The following RBFOX2 variants were observed in gnomAD, a reference collection of about 807,000 sequenced individuals.
RBFOX2 encodes the protein RNA binding protein fox-1 homolog 2.
RBFOX2 carries 10 observed loss-of-function variants against 49.1 expected under a neutral mutation model. The observed-to-expected ratio is 0.20, with a 90% CI of 0.13 to 0.35. RBFOX2 has a LOEUF of 0.35. Ranked by LOEUF, RBFOX2 falls within the 10% of genes least tolerant of loss-of-function variation. The probability of loss-of-function intolerance (pLI) is 1.00; values close to 1 mark genes in which losing one functional copy is unlikely to be tolerated. For missense variants in RBFOX2, 323 were observed against 486.9 expected (o/e 0.66, Z 3.17); for synonymous variants, 183 against 187.4 (o/e 0.98, Z 0.19).
At chr22:35,805,267 G>A (rs1471815346) in intron 2 of RBFOX2, among the ~76,000 whole-genome samples, 2 of 143,640 alleles carry the variant, frequency 1.4e-5, no homozygotes, top group Middle Eastern at 3.5e-3. Flanking sequence ...TCCAGCCTGG[G>A]CGACAGAGCG....
intron 9 of RBFOX2, among the ~76,000 whole-genome samples, chr22:35,750,740 C>T (rs1265330048): frequency 6.6e-6 from 1 of 152,258 alleles, no homozygotes; most frequent in Non-Finnish European, 1.5e-5. Context: ...TCAGTCCTGA[C>T]CCACAGCACT....
At chr22:35,975,372 A>G (rs953341289) in intron 1 of RBFOX2, among the ~76,000 whole-genome samples, 1 of 152,248 alleles carries the variant, frequency 6.6e-6, no homozygotes, top group Non-Finnish European at 1.5e-5. Context: ...GACCTTAAGC[A>G]TATCATTTAA....
At chr22:35,758,139 G>C in intron 9 of RBFOX2, among the ~76,000 whole-genome samples, 1 of 152,106 alleles carries the variant, frequency 6.6e-6, no homozygotes, top group East Asian at 1.9e-4. Context: ...CTTATTCCTT[G>C]CCATCTTCCA....
At chr22:35,915,836 TGTG>T (rs1206434394) in intron 1 of RBFOX2, among the ~76,000 whole-genome samples, 1 of 152,114 alleles carries the variant, frequency 6.6e-6, no homozygotes, top group East Asian at 1.9e-4. Flanking sequence ...TCTCAGAAAC[TGTG>T]TAGACTACAA....
chr22:35,846,015 A>G (rs2041132982), intron 1 of RBFOX2, among the ~76,000 whole-genome samples: 2 of 151,210 alleles, frequency 1.3e-5, no homozygotes, highest in South Asian at 2.1e-4. Context: ...GCATGTTAAT[A>G]TAATTATATA....
chr22:35,862,058 T>C (rs1212754875), intron 1 of RBFOX2, among the ~76,000 whole-genome samples: 1 of 152,140 alleles, frequency 6.6e-6, no homozygotes, highest in Non-Finnish European at 1.5e-5. Context: ...TTTTATACAA[T>C]ACTAGAAATT....
At chr22:35,808,666 A>C (rs1951212412) in intron 2 of RBFOX2, among the ~76,000 whole-genome samples, 1 of 151,986 alleles carries the variant, frequency 6.6e-6, no homozygotes, top group South Asian at 2.1e-4. Context: ...ACAACAACAA[A>C]AGGAGACCCT....
intron 1 of RBFOX2, among the ~76,000 whole-genome samples, chr22:35,933,345 G>T (rs1373644413): frequency 2.0e-5 from 3 of 152,012 alleles, no homozygotes; most frequent in Non-Finnish European, 4.4e-5. Context: ...ATATTAGTTG[G>T]GTTTTTTGTG....
At chr22:35,876,660 TCA>T (rs1272406181) in intron 1 of RBFOX2, among the ~76,000 whole-genome samples, 9 of 151,882 alleles carry the variant, frequency 5.9e-5, no homozygotes, top group South Asian at 4.2e-4. Context: ...CATTTTTATT[TCA>T]GTTTTTTAGA....
rs189504474 is a variant in RBFOX2 at position 35,945,446 on chromosome 22, T to C, written c.43-6549A>G. On this transcript the variant is annotated intron_variant, in intron 1 of 5. Coordinates refer to the RBFOX2 transcript ENST00000408983. ...CTCTCTGGCTTGAGAAAAAAATATA[T>C]ACCTTTTTTTTGAGGGTCTCACACT... 6.8e-4 allele frequency among the ~76,000 whole-genome samples: 103 copies of C among 152,140 alleles called. 1 individual carries two copies. Among genetic ancestry groups the C allele is most frequent in the African/African-American group, 2.2e-3 (91 of 41,540 alleles).
exon 12 of RBFOX2, chr22:35,739,867 G>A (rs553052837): frequency 1.4e-4 from 21 of 152,738 alleles, no homozygotes; most frequent in African/African-American, 4.6e-4. Flanking sequence ...TAAAAGGCAA[G>A]GCTTGAGTTT....
intron 1 of RBFOX2, among the ~76,000 whole-genome samples, chr22:35,883,652 C>T (rs2046209871): frequency 6.6e-6 from 1 of 152,162 alleles, no homozygotes; most frequent in East Asian, 1.9e-4. Flanking sequence ...TCCCCTCATA[C>T]TTTAAGCAGC....
At chr22:36,001,220 CACACACACACACACT>C (rs1424427790) in intron 1 of RBFOX2, among the ~76,000 whole-genome samples, 13 of 146,722 alleles carry the variant, frequency 8.9e-5, no homozygotes, top group African/African-American at 2.0e-4. Context: ...CACACACACA[CACACACACACACACT>C]ATATGTATAT....
intron 1 of RBFOX2, among the ~76,000 whole-genome samples, chr22:35,892,026 A>G (rs533204597): frequency 1.4e-4 from 22 of 152,350 alleles, no homozygotes; most frequent in African/African-American, 3.8e-4. Context: ...AGATACCCTC[A>G]ACGTGATACA....
chr22:35,940,613 T>C (rs1234391111), upstream of RBFOX2, among the ~76,000 whole-genome samples: 2 of 152,082 alleles, frequency 1.3e-5, no homozygotes, highest in Non-Finnish European at 2.9e-5. Flanking sequence ...TGAAAACATA[T>C]GTCCACACAA....
At chr22:35,840,032 G>A (rs573351227) in intron 1 of RBFOX2, among the ~76,000 whole-genome samples, 9 of 152,184 alleles carry the variant, frequency 5.9e-5, no homozygotes, top group Admixed American at 3.3e-4. Context: ...ACACATAAAC[G>A]GACTCAACAG....
intron 1 of RBFOX2, among the ~76,000 whole-genome samples, chr22:35,833,645 T>C (rs750019849): frequency 7.2e-5 from 11 of 152,330 alleles, no homozygotes; most frequent in Admixed American, 1.3e-4. Context: ...AAATGTGCTA[T>C]GTATGTAAAA....
In RBFOX2 at chr22:35,831,432, C is replaced by CA. The variant is rs200978648; in HGVS notation, c.27+8759dup. Among the ~76,000 whole-genome samples, 284 of 147,174 alleles carry CA rather than the reference C, an allele frequency of 1.9e-3. 3 individuals are homozygous for CA. Among genetic ancestry groups the CA allele is most frequent in the African/African-American group, 5.3e-3 (213 of 40,004 alleles). On this transcript the variant is annotated intron_variant, in intron 1 of 11. Coordinates refer to ENST00000405409, the Ensembl canonical transcript of RBFOX2. ...TGGGTGATAGTGAGAGACTCTGTCT[C>CA]AAAAAAAAAATAATAATAAATTAAA... is the stretch of plus-strand genomic sequence containing the variant.
At chr22:36,009,227 A>C (rs1168475332) in intron 1 of RBFOX2, among the ~76,000 whole-genome samples, 1 of 152,206 alleles carries the variant, frequency 6.6e-6, no homozygotes, top group Non-Finnish European at 1.5e-5. Context: ...AACAGATAAC[A>C]CAAAAAACTG....
Sources: gnomAD v4.1 joint callset for allele counts (sites outside exome capture counted in the v4.1 genomes callset) on GRCh38, gnomAD v4.1.1 for gene constraint, MANE v1.5 for transcripts, NCBI Gene and HGNC (gene_info 2026-07-23, HGNC 2026-07-21) for gene names.